The following JAKMIP2 variants were observed in gnomAD, a reference collection of about 807,000 sequenced individuals.
The protein encoded by JAKMIP2 is janus kinase and microtubule interacting protein 2.
In JAKMIP2, 25 loss-of-function variants were observed where a neutral mutation model predicts 115.0. The ratio of observed to expected loss-of-function variants is 0.22; its 90% CI spans 0.16 to 0.30. JAKMIP2 has a LOEUF of 0.30. JAKMIP2 is among the 10% of genes least tolerant of loss of function. The probability of loss-of-function intolerance (pLI) is 1.00; values close to 1 mark genes in which losing one functional copy is unlikely to be tolerated. For synonymous variants in JAKMIP2, 334 were observed against 343.6 expected (o/e 0.97, Z 0.31); for missense variants, 642 against 957.6 (o/e 0.67, Z 4.35).
intron 20 of JAKMIP2, among the ~76,000 whole-genome samples, chr5:147,605,024 GC>G (rs2126598528): frequency 6.6e-6 from 1 of 151,046 alleles, no homozygotes; most frequent in Admixed American, 6.6e-5. Context: ...CCCAACCTGT[GC>G]CCGTATGTTC....
intron 18 of JAKMIP2, 28 bp downstream of exon 18, chr5:147,620,638 G>A (rs746054208): frequency 2.7e-5 from 40 of 1,487,758 alleles, no homozygotes; most frequent in East Asian, 6.8e-5. Flanking sequence ...TAAATACTGC[G>A]GGTGTCTCTA....
At chr5:147,689,253 G>A (rs1760722616) in intron 1 of JAKMIP2, among the ~76,000 whole-genome samples, 1 of 152,164 alleles carries the variant, frequency 6.6e-6, no homozygotes, top group Non-Finnish European at 1.5e-5. Flanking sequence ...AGGGCAGTGT[G>A]TGCAGACCAT....
intron 1 of JAKMIP2, among the ~76,000 whole-genome samples, chr5:147,700,155 T>G (rs192206756): frequency 1.9e-3 from 287 of 151,808 alleles, no homozygotes; most frequent in African/African-American, 6.5e-3. Context: ...AGAAATAAAA[T>G]CAGACCATTA....
Position 147,708,565 on chromosome 5 carries a change from C to A in JAKMIP2, c.-148-36611G>T, listed in dbSNP as rs189784990. Among the ~76,000 whole-genome samples, 168 of 152,158 alleles carry A rather than the reference C, an allele frequency of 1.1e-3. 1 individual carries two copies. The highest frequency in any genetic ancestry group is 4.3e-4 in the Non-Finnish European group (29 of 68,006). On this transcript the variant is annotated intron_variant, in intron 1 of 21. Coordinates refer to ENST00000616793, the MANE Select transcript of JAKMIP2 (RefSeq NM_001270941.2). The stretch of plus-strand genomic sequence containing the variant: ...ATCTACAGAATAAATAGTTCTGTAA[C>A]CTTGTTATTTTTCATTCACAGTTTT...
In JAKMIP2 at chr5:147,632,775, C is replaced by A. The variant is rs1302163979; in HGVS notation, c.1681G>T (p.Glu561Ter). 6.2e-7 allele frequency: 1 copy of A among 1,602,266 alleles called. No homozygotes were observed. Among genetic ancestry groups the A allele is most frequent in the East Asian group, 2.2e-5 (1 of 44,750 alleles). Residue 561 changes from glutamate (E) to a stop codon, truncating the protein, a stop_gained, in exon 13 of 22, where the codon GAA becomes TAA. Transcript: ENST00000616793. LOFTEE classifies it high-confidence loss of function. ...CGGTGATTTTCTGCCTCCTGTTTTT[C>A]TATCTAATAAAGTAAATCCTGAAGT... ...KRNQELLEKIEKQEAENHRLQ... is the reference protein window; with the variant it reads ...KRNQELLEKI
intron 1 of JAKMIP2, among the ~76,000 whole-genome samples, chr5:147,781,309 G>T (rs1425871722): frequency 1.3e-5 from 2 of 152,138 alleles, no homozygotes; most frequent in African/African-American, 2.4e-5. Flanking sequence ...AATGGTTCCT[G>T]GATACTGAAG....
chr5:147,643,217 G>GT (rs745355921), intron 7 of JAKMIP2, among the ~76,000 whole-genome samples: 38 of 151,984 alleles, frequency 2.5e-4, no homozygotes, highest in Non-Finnish European at 5.1e-4. Context: ...TGTATTCATT[G>GT]TAACATATAG....
Position 147,756,308 on chromosome 5 carries a change from A to G in JAKMIP2, c.-149+26148T>C, listed in dbSNP as rs1754741517. Among the ~76,000 whole-genome samples the G allele has an allele frequency of 2.0e-5, 3 of 152,252 alleles. No homozygotes were observed. The South Asian group carries it at 6.2e-4, about 32-fold the overall frequency. The stretch of plus-strand genomic sequence containing the variant: ...TTTAAGTCAGTAAAGGTCAGTTTTA[A>G]AAAAATGATAGGGAGGCACCTGCCC... On this transcript the variant is annotated intron_variant, in intron 1 of 21. Transcript: ENST00000616793.
At position 147,589,792 on chromosome 5, in the gene JAKMIP2, A is replaced by C. The variant is rs1755028710; in HGVS notation, c.*1915T>G. 6.6e-6 allele frequency: 1 copy of C among 152,234 alleles called. No homozygotes were observed. The highest frequency in any genetic ancestry group is 1.5e-5 in the Non-Finnish European group (1 of 68,036). 9.4% of individuals were successfully genotyped at this position (152,234 alleles called of 1,614,324 possible). A position where few individuals can be genotyped will look rare whatever the true frequency, so the allele number is the denominator to read the frequency against. On this transcript the variant is annotated 3_prime_UTR_variant, in exon 22 of 22. Transcript: ENST00000616793. ...TGCTAATAATGTCCCAAGTAGCTTG[A>C]TAAGCAAGCTTCAGTGCTATAGTGC...
At chr5:147,652,062 A>G (rs745314222) in intron 3 of JAKMIP2, among the ~76,000 whole-genome samples, 37 of 152,178 alleles carry the variant, frequency 2.4e-4, no homozygotes, top group Non-Finnish European at 5.0e-4. Flanking sequence ...CCTCATTATC[A>G]CCATCATCAC....
intron 6 of JAKMIP2, 82 bp from the exon 7 acceptor site, chr5:147,644,280 G>A (rs543786957): frequency 7.6e-7 from 1 of 1,317,910 alleles, no homozygotes; most frequent in South Asian, 1.8e-5. Context: ...TCTGTAGAAA[G>A]TTTATGAGGC....
intron 1 of JAKMIP2, among the ~76,000 whole-genome samples, chr5:147,696,589 CAG>C (rs1485378169): frequency 1.3e-5 from 2 of 152,032 alleles, no homozygotes; most frequent in African/African-American, 4.8e-5. Context: ...ATTGGTACTG[CAG>C]AGAGTGCCAT....
chr5:147,643,795 C>T (rs764284907), intron 7 of JAKMIP2, among the ~76,000 whole-genome samples: 5 of 152,136 alleles, frequency 3.3e-5, no homozygotes, highest in Non-Finnish European at 5.9e-5. Context: ...ACTTATACAA[C>T]GAGGCATTTA....
rs1408758917 is a variant in JAKMIP2, at chr5:147,641,714, T to A, written c.1275A>T (p.Pro425=). ...AACTTTGATTTCTTATTACCTTAAT[T>A]GGCTTGGAACTTCTTCTATGCTTTC... The part of the protein sequence containing the change: ...RRRKHRRSSK[P]IKRPVLDPFI... Residue 425 remains proline (P), a synonymous_variant, in exon 8 of 22, where the codon CCA becomes CCT. Transcript: ENST00000616793. 1.9e-6 allele frequency: 3 copies of A among 1,612,078 alleles called. No individual in the cohort carries two copies. Among genetic ancestry groups the A allele is most frequent in the Non-Finnish European group, 2.5e-6 (3 of 1,178,204 alleles).
At chr5:147,668,111 T>G (rs1759394307) in intron 2 of JAKMIP2, among the ~76,000 whole-genome samples, 1 of 152,174 alleles carries the variant, frequency 6.6e-6, no homozygotes, top group African/African-American at 2.4e-5. Context: ...TGAAAATGCT[T>G]TGCAGTTTGA....
Position 147,592,519 on chromosome 5 carries a change from G to A in JAKMIP2, c.*21-833C>T, listed in dbSNP as rs545038826. 6.6e-5 allele frequency among the ~76,000 whole-genome samples: 10 copies of A among 152,262 alleles called. No individual in the cohort carries two copies. The South Asian group carries it at 1.5e-3, about 22-fold the overall frequency. ...TTTCACTTGTGTAGAAGTCTAGGTC[G>A]TAATGCTGTCTTCCAATGAAAGCCA... On this transcript the variant is annotated intron_variant, in intron 21 of 21. Coordinates refer to ENST00000616793, the MANE Select transcript of JAKMIP2 (RefSeq NM_001270941.2).
At chr5:147,696,679 G>A (rs1417586520) in intron 1 of JAKMIP2, among the ~76,000 whole-genome samples, 10 of 152,152 alleles carry the variant, frequency 6.6e-5, no homozygotes, top group Non-Finnish European at 4.4e-5. Context: ...AGTTTGGAGG[G>A]CTCAGACAAG....
chr5:147,724,385 T>C (rs570775512), intron 1 of JAKMIP2, among the ~76,000 whole-genome samples: 1 of 152,266 alleles, frequency 6.6e-6, no homozygotes, highest in Admixed American at 6.5e-5. Context: ...TATGGCAAGG[T>C]GTTATATAGA....
At position 147,629,714 on chromosome 5, in the gene JAKMIP2, A is replaced by C; in HGVS notation, c.1908T>G (p.Leu636=). 1 of 1,612,782 alleles carries C rather than the reference A, an allele frequency of 6.2e-7. No individual in the cohort carries two copies. Among genetic ancestry groups the C allele is most frequent in the Non-Finnish European group, 8.5e-7 (1 of 1,179,392 alleles). The change falls in exon 15 of 22, where the codon CTT becomes CTG. Residue 636 remains leucine (L), a synonymous_variant. Coordinates refer to ENST00000616793, the MANE Select transcript of JAKMIP2 (RefSeq NM_001270941.2). ...TTACCCCATTATCACCCAAGATATC[A>C]AGCTGCTTTATGAGATCAGGGATGT... ...DVNIPDLIKQ[L]DILGDNGNLR... is the part of the protein sequence containing the mutation.
Sources: allele counts gnomAD v4.1 joint callset (sites outside exome capture counted in the v4.1 genomes callset), GRCh38; gene constraint gnomAD v4.1.1; transcripts MANE v1.5; gene names NCBI Gene and HGNC (gene_info 2026-07-23, HGNC 2026-07-21).